Variants in NSUN7 observed in about 807,000 individuals in gnomAD.
The protein encoded by NSUN7 is protein NSUN7.
A neutral mutation model predicts 58.5 loss-of-function variants in NSUN7; 39 were observed. The ratio of observed to expected loss-of-function variants is 0.67; its 90% CI spans 0.52 to 0.87. NSUN7 has a LOEUF of 0.87. Among genes scored for constraint, NSUN7 ranks in the 40% least tolerant of loss-of-function variants. The probability of loss-of-function intolerance (pLI) is 0.00; values close to 1 mark genes in which losing one functional copy is unlikely to be tolerated. For missense variants in NSUN7, 765 were observed against 844.1 expected, an observed-to-expected ratio of 0.91 and a Z score of 1.16; for synonymous variants, 278 against 303.7, an observed-to-expected ratio of 0.92 and a Z score of 0.88.
Position 40,775,194 on chromosome 4 carries a change from T to A in NSUN7, c.825+244T>A, listed in dbSNP as rs183881525. The stretch of plus-strand genomic sequence containing the variant: ...TCCCAGATTCCATGAATGGGAAGAT[T>A]TGCATTGCTGGCAGCTGTAAGGTTC... On this transcript the variant is annotated intron_variant, in intron 6 of 11. Coordinates refer to ENST00000381782, the MANE Select transcript of NSUN7 (RefSeq NM_024677.6). This position sits in a 1 kb window ranked among gnomAD's most constrained non-coding sequence, Gnocchi z 4.3. The A allele has an allele frequency of 4.6e-3, 994 of 217,046 alleles. 5 individuals are homozygous for A. The highest frequency in any genetic ancestry group is 7.2e-3 in the Admixed American group (125 of 17,348). The allele number at this position is 217,046 out of a possible 1,614,324, so 13.4% of individuals were successfully genotyped here.
chr4:40,797,634 A>G (rs1425769027), intron 9 of NSUN7, among the ~76,000 whole-genome samples: 2 of 152,206 alleles, frequency 1.3e-5, no homozygotes, highest in African/African-American at 2.4e-5. Context: ...AGCTACCTCC[A>G]CCACTACCAC....
At chr4:40,801,512 A>G (rs990408472) in intron 10 of NSUN7, among the ~76,000 whole-genome samples, 2 of 152,072 alleles carry the variant, frequency 1.3e-5, no homozygotes, top group Non-Finnish European at 2.9e-5. Context: ...ATGTCTTATT[A>G]TATATTAGGA....
intron 7 of NSUN7, among the ~76,000 whole-genome samples, chr4:40,776,814 C>A (rs1418217771): frequency 1.3e-5 from 2 of 152,058 alleles, no homozygotes; most frequent in African/African-American, 4.8e-5. Flanking sequence ...CAAGGTTTTG[C>A]AGTGTTGCTC....
chr4:40,801,901 C>CAAAAAAAAAAAA (rs56868885), intron 10 of NSUN7, among the ~76,000 whole-genome samples: 4 of 107,382 alleles, frequency 3.7e-5, no homozygotes, highest in Admixed American at 9.1e-5. Flanking sequence ...GACTCTGTCT[C>CAAAAAAAAAAAA]AAAAAAAAAA....
intron 1 of NSUN7, 60 bp from the exon 2 acceptor site, chr4:40,750,543 G>T (rs1740762507): frequency 1.2e-6 from 1 of 862,910 alleles, no homozygotes. Flanking sequence ...AACGAAGGGG[G>T]CCACCCACAG....
intron 2 of NSUN7, among the ~76,000 whole-genome samples, chr4:40,751,591 A>T (rs1467089229): frequency 6.6e-6 from 1 of 152,214 alleles, no homozygotes; most frequent in Non-Finnish European, 1.5e-5. Context: ...CACCAACCCC[A>T]ATTAAGACTA....
chr4:40,809,014 A>G lies in NSUN7; in HGVS notation c.*75A>G, dbSNP rs1241677872. ...AGTCTAGTATTTCTCTGAAGATTCTACATCTCTACACAAGATATTCATTCT... is the reference window on the plus strand; with the variant it reads ...AGTCTAGTATTTCTCTGAAGATTCTGCATCTCTACACAAGATATTCATTCT... On this transcript the variant is annotated 3_prime_UTR_variant, in exon 12 of 12. Transcript: ENST00000381782. The G allele has an allele frequency of 2.2e-6, 3 of 1,350,496 alleles. No individual in the cohort carries two copies. The highest frequency in any genetic ancestry group is 2.8e-5 in the Admixed American group (1 of 35,792). The allele number at this position is 1,350,496 out of a possible 1,614,324, so 83.7% of individuals were successfully genotyped here.
In NSUN7 at chr4:40,765,831, C is replaced by A. The variant is rs564688952; in HGVS notation, c.488+4530C>A. ...AAGTTGGATTCCTAGGTATTTTATT[C>A]TCTTTGAAGCAATTGTGAATGGGAG... is the stretch of plus-strand genomic sequence containing the variant. On this transcript the variant is annotated intron_variant, in intron 4 of 11. Transcript: ENST00000381782. 8.0e-4 allele frequency among the ~76,000 whole-genome samples: 121 copies of A among 152,174 alleles called. 1 individual carries two copies. The Middle Eastern group carries it at 0.01, about 13-fold the overall frequency.
chr4:40,765,892 C>T (rs1325920051), intron 4 of NSUN7, among the ~76,000 whole-genome samples: 11 of 151,914 alleles, frequency 7.2e-5, no homozygotes, highest in Non-Finnish European at 1.5e-4. Context: ...TGTCTGTTAT[C>T]GTTGTATAAG....
chr4:40,766,247 A>G (rs1263876604), intron 4 of NSUN7, among the ~76,000 whole-genome samples: 2 of 149,230 alleles, frequency 1.3e-5, no homozygotes, highest in Non-Finnish European at 3.0e-5. Context: ...TTATTTTGAG[A>G]TACGTCCCAT....
chr4:40,751,422 C>T (rs927970729), intron 2 of NSUN7, among the ~76,000 whole-genome samples: 10 of 138,862 alleles, frequency 7.2e-5, no homozygotes, highest in Non-Finnish European at 1.7e-4. Context: ...CCACGCCTGG[C>T]CTCCCTGTGT....
At chr4:40,751,269 A>G (rs918848542) in intron 2 of NSUN7, among the ~76,000 whole-genome samples, 1 of 152,054 alleles carries the variant, frequency 6.6e-6, no homozygotes, top group African/African-American at 2.4e-5. Flanking sequence ...TATTCCAATG[A>G]TCATTTCCCT....
rs1395356331 is a variant in NSUN7 at position 40,808,705 on chromosome 4, C to T, written c.1923C>T (p.Asp641=). The stretch of plus-strand genomic sequence containing the variant: ...ACTTCTTAAGACCTCGGCCAGAAGA[C>T]AGAATGGTTGCTCTGAAACCCATCA... The part of the protein sequence containing the change: ...QTHFLRPRPE[D]RMVALKPIKI... The change falls in exon 12 of 12, where the codon GAC becomes GAT. Residue 641 remains aspartate, a synonymous_variant. Transcript: ENST00000381782. 1.3e-6 allele frequency: 2 copies of T among 1,551,268 alleles called. No individual in the cohort carries two copies. The highest frequency in any genetic ancestry group is 1.7e-6 in the Non-Finnish European group (2 of 1,146,992).
chr4:40,767,203 T>C (rs1003672839), intron 4 of NSUN7, among the ~76,000 whole-genome samples: 2 of 152,218 alleles, frequency 1.3e-5, no homozygotes, highest in East Asian at 1.9e-4. Flanking sequence ...CTTTCCTTCT[T>C]TCTCTTGTGG....
At chr4:40,779,459 C>A (rs528046844) in intron 7 of NSUN7, among the ~76,000 whole-genome samples, 3 of 152,170 alleles carry the variant, frequency 2.0e-5, no homozygotes, top group Non-Finnish European at 4.4e-5. Context: ...AAAAAATTAG[C>A]CGGGTGTGAT....
At chr4:40,789,043 G>C (rs141621128) in intron 7 of NSUN7, among the ~76,000 whole-genome samples, 160 of 152,288 alleles carry the variant, frequency 1.1e-3, no homozygotes, top group East Asian at 7.3e-3. Flanking sequence ...TTTAGAATTA[G>C]AATATGAGTG....
chr4:40,750,092 C>T lies in NSUN7; in HGVS notation c.-300C>T, dbSNP rs1740726582. The T allele has an allele frequency of 6.6e-6, 1 of 152,426 alleles. No individual in the cohort carries two copies. The highest frequency in any genetic ancestry group is 2.1e-4 in the South Asian group (1 of 4,842). The allele number at this position is 152,426 out of a possible 1,614,324, so 9.4% of individuals were successfully genotyped here. A position where few individuals can be genotyped will look rare whatever the true frequency, so the allele number is the denominator to read the frequency against. ...AGGCCAGGCGAGGCCCCGAGGCGCC[C>T]ACCACTTCACGACACCGGAGCGAAC... On this transcript the variant is annotated 5_prime_UTR_variant, in exon 1 of 12. Coordinates refer to ENST00000381782, the MANE Select transcript of NSUN7 (RefSeq NM_024677.6).
intron 8 of NSUN7, among the ~76,000 whole-genome samples, chr4:40,790,949 A>C (rs1421773695): frequency 6.6e-6 from 1 of 152,192 alleles, no homozygotes; most frequent in Non-Finnish European, 1.5e-5. Context: ...GGTGATATTC[A>C]AAATATTTAA....
chr4:40,773,625 G>A (rs1045001763), intron 4 of NSUN7, among the ~76,000 whole-genome samples: 2 of 151,124 alleles, frequency 1.3e-5, no homozygotes, highest in East Asian at 2.0e-4. Flanking sequence ...AGAGGTTGCA[G>A]TAAGCCAAGA....
Sources: allele counts gnomAD v4.1 joint callset (sites outside exome capture counted in the v4.1 genomes callset), GRCh38; gene constraint gnomAD v4.1.1; non-coding constraint Gnocchi (gnomAD v3.1); transcripts MANE v1.5; gene names NCBI Gene and HGNC (gene_info 2026-07-23, HGNC 2026-07-21).